FSTL4: variants seen among roughly 807,000 people sequenced by gnomAD.
FSTL4 encodes follistatin-related protein 4.
In FSTL4, 28 loss-of-function variants were observed where a neutral mutation model predicts 78.2. The ratio of observed to expected loss-of-function variants is 0.36; its 90% CI spans 0.27 to 0.49. The LOEUF (loss-of-function observed/expected upper bound fraction) is 0.49, where lower values mean the gene tolerates loss of function less well. Among genes scored for constraint, FSTL4 ranks in the 20% least tolerant of loss-of-function variants. The pLI is 0.98. For missense variants in FSTL4, 922 were observed against 1,084.9 expected, an observed-to-expected ratio of 0.85 and a Z score of 2.11; for synonymous variants, 422 against 440.5, an observed-to-expected ratio of 0.96 and a Z score of 0.53.
chr5:133,794,521 C>T, the FSTL4 span, among the ~76,000 whole-genome samples: 1 of 152,176 alleles, frequency 6.6e-6, no homozygotes, highest in Non-Finnish European at 1.5e-5. Flanking sequence ...GTAAGTGAGC[C>T]CTTTCTTCCA....
intron 6 of FSTL4, among the ~76,000 whole-genome samples, chr5:133,310,286 A>G (rs1308470972): frequency 2.6e-5 from 4 of 152,270 alleles, no homozygotes; most frequent in Non-Finnish European, 5.9e-5. Context: ...AGGCGACAGC[A>G]GAATCTAATT....
the FSTL4 span, among the ~76,000 whole-genome samples, chr5:133,664,824 A>G: frequency 6.6e-6 from 1 of 152,234 alleles, no homozygotes; most frequent in African/African-American, 2.4e-5. Context: ...AGCATCATGA[A>G]TCACTTCAAA....
chr5:133,689,693 G>A, the FSTL4 span, among the ~76,000 whole-genome samples: 3 of 152,082 alleles, frequency 2.0e-5, no homozygotes, highest in Non-Finnish European at 4.4e-5. Flanking sequence ...CAAGCTTATT[G>A]TTTCTTATTC....
intron 3 of FSTL4, among the ~76,000 whole-genome samples, chr5:133,438,227 G>A (rs895473025): frequency 6.6e-6 from 1 of 152,198 alleles, no homozygotes; most frequent in African/African-American, 2.4e-5. Flanking sequence ...CTAGGCAGAG[G>A]ACAAATTCTT....
chr5:133,461,693 A>C (rs1345619179), intron 3 of FSTL4, among the ~76,000 whole-genome samples: 3 of 152,212 alleles, frequency 2.0e-5, no homozygotes, highest in African/African-American at 7.2e-5. Flanking sequence ...GAAGGGTTGG[A>C]TGCTTCATCC....
At chr5:133,473,047 C>T (rs1757856841) in intron 3 of FSTL4, among the ~76,000 whole-genome samples, 1 of 152,222 alleles carries the variant, frequency 6.6e-6, no homozygotes, top group African/African-American at 2.4e-5. Context: ...CAGGGTTTAT[C>T]ACCTAGTTCC....
At chr5:133,371,927 C>T (rs1004521164) in intron 4 of FSTL4, among the ~76,000 whole-genome samples, 18 of 152,200 alleles carry the variant, frequency 1.2e-4, no homozygotes, top group South Asian at 2.1e-4. Flanking sequence ...ACTTCATCAC[C>T]GGGAGGCCCA....
intron 3 of FSTL4, among the ~76,000 whole-genome samples, chr5:133,437,735 C>T (rs1322721380): frequency 2.0e-5 from 3 of 151,916 alleles, no homozygotes; most frequent in African/African-American, 7.2e-5. Flanking sequence ...AGGTGATCCA[C>T]TCACCTCAGC....
chr5:133,245,920 T>C (rs1752026939), intron 7 of FSTL4, among the ~76,000 whole-genome samples: 1 of 152,234 alleles, frequency 6.6e-6, no homozygotes, highest in Non-Finnish European at 1.5e-5. Context: ...TAGAATGGCA[T>C]TCTGTAATAG....
At chr5:133,352,363 T>C (rs959557190) in intron 4 of FSTL4, among the ~76,000 whole-genome samples, 2 of 146,536 alleles carry the variant, frequency 1.4e-5, no homozygotes, top group African/African-American at 5.0e-5. Context: ...TACACACACA[T>C]ATATATACAC....
At chr5:133,310,051 C>CATTAAATTAAATTAAA in intron 6 of FSTL4, among the ~76,000 whole-genome samples, 1 of 152,170 alleles carries the variant, frequency 6.6e-6, no homozygotes. Flanking sequence ...TTCGCTGAAC[C>CATTAAATTAAATTAAA]ATAAATCTAT....
intron 5 of FSTL4, among the ~76,000 whole-genome samples, chr5:133,313,900 G>C (rs1367017376): frequency 6.6e-6 from 1 of 152,172 alleles, no homozygotes; most frequent in Non-Finnish European, 1.5e-5. Context: ...CAGTGTCAAG[G>C]AAAGGCCCAC....
chr5:133,664,321 A>T, the FSTL4 span, among the ~76,000 whole-genome samples: 28,994 of 146,300 alleles, frequency 0.2, 2,879 homozygotes, highest in Middle Eastern at 0.41. Context: ...TTTTTTTTTT[A>T]AAAAAAATTC....
chr5:133,465,044 A>G (rs1391033597), intron 3 of FSTL4, among the ~76,000 whole-genome samples: 2 of 152,118 alleles, frequency 1.3e-5, no homozygotes, highest in South Asian at 2.1e-4. Flanking sequence ...GCATGCAGTC[A>G]CTTTGTATTT....
At chr5:133,416,630 A>G (rs1196734480) in intron 3 of FSTL4, among the ~76,000 whole-genome samples, 1 of 152,240 alleles carries the variant, frequency 6.6e-6, no homozygotes, top group African/African-American at 2.4e-5. Context: ...TAACATTACC[A>G]GTGGTGTCAC....
At chr5:133,370,766 C>T (rs1755277911) in intron 4 of FSTL4, among the ~76,000 whole-genome samples, 1 of 151,954 alleles carries the variant, frequency 6.6e-6, no homozygotes, top group African/African-American at 2.4e-5. Context: ...GCTCAGGCAG[C>T]CTCGCCCTCA....
the FSTL4 span, among the ~76,000 whole-genome samples, chr5:133,628,571 G>T: frequency 6.6e-6 from 1 of 151,910 alleles, no homozygotes; most frequent in Non-Finnish European, 1.5e-5. Flanking sequence ...TTTTGGTCAG[G>T]CTGGTCTCGA....
chr5:133,346,342 T>C (rs905516328), intron 4 of FSTL4, among the ~76,000 whole-genome samples: 6 of 152,156 alleles, frequency 3.9e-5, no homozygotes, highest in African/African-American at 1.4e-4. Flanking sequence ...CAAACCACCA[T>C]GGCACATGTA....
At chr5:133,433,850 G>T (rs548987051) in intron 3 of FSTL4, among the ~76,000 whole-genome samples, 2 of 152,112 alleles carry the variant, frequency 1.3e-5, no homozygotes, top group Non-Finnish European at 2.9e-5. Flanking sequence ...TGGGCCAAGA[G>T]GGGAGGCTAG....
Sources: allele counts gnomAD v4.1 joint callset (sites outside exome capture counted in the v4.1 genomes callset), GRCh38; gene constraint gnomAD v4.1.1; transcripts MANE v1.5; gene names NCBI Gene and HGNC (gene_info 2026-07-23, HGNC 2026-07-21).